The following DPH6 variants were observed in gnomAD, a reference collection of about 807,000 sequenced individuals.
DPH6 encodes diphthine--ammonia ligase.
DPH6 carries 33 observed loss-of-function variants against 38.2 expected under a neutral mutation model. The ratio of observed to expected loss-of-function variants is 0.86; its 90% CI spans 0.65 to 1.15. DPH6 has a LOEUF of 1.15. Ranked by LOEUF, DPH6 falls within the 50% of genes most tolerant of loss-of-function variation. The pLI is 0.00. For missense variants in DPH6, 325 were observed against 320.0 expected (o/e 1.02, Z -0.12); for synonymous variants, 108 against 103.0 (o/e 1.05, Z -0.30).
At chr15:35,509,255 A>G (rs756748307) in intron 3 of DPH6, among the ~76,000 whole-genome samples, 3 of 152,182 alleles carry the variant, frequency 2.0e-5, no homozygotes, top group Non-Finnish European at 4.4e-5. Context: ...TAATTCTTAC[A>G]AGGCAAGAGC....
chr15:35,240,897 G>C (rs1193809716), intron 3 of DPH6, among the ~76,000 whole-genome samples: 2 of 143,200 alleles, frequency 1.4e-5, no homozygotes, highest in Non-Finnish European at 3.1e-5. Context: ...TCGCCTTCAA[G>C]GTGTACAATA....
chr15:35,417,001 A>G (rs1423271040), intron 5 of DPH6, among the ~76,000 whole-genome samples: 2 of 152,122 alleles, frequency 1.3e-5, no homozygotes, highest in African/African-American at 4.8e-5. Flanking sequence ...ATATTCAGAT[A>G]TAGAAGTTTC....
chr15:35,216,014 G>A (rs1375643134), downstream of DPH6, among the ~76,000 whole-genome samples: 2 of 152,162 alleles, frequency 1.3e-5, no homozygotes, highest in Non-Finnish European at 2.9e-5. Context: ...GAAAGTTTCT[G>A]TACATTTAGT....
intron 3 of DPH6, chr15:35,238,142 C>T: frequency 3.8e-6 from 4 of 1,056,520 alleles, no homozygotes; most frequent in Non-Finnish European, 5.7e-6. Flanking sequence ...TCCAATCCTG[C>T]CCCCTGAAAC....
Position 35,371,555 on chromosome 15 carries a change from AG to A in DPH6, c.*594del. On this transcript the variant is annotated 3_prime_UTR_variant, in exon 9 of 9. Coordinates refer to ENST00000256538, the MANE Select transcript of DPH6 (RefSeq NM_080650.4). ...GTCTATTTTTTGTAAAAGTTTTCTA[AG>A]GTCAACATAGTTAATACTGAAAAAC... 2.1e-6 allele frequency: 2 copies of A among 973,398 alleles called. No individual in the cohort carries two copies. The highest frequency in any genetic ancestry group is 2.4e-6 in the Non-Finnish European group (2 of 819,050). The allele number at this position is 973,398 out of a possible 1,614,324, so 60.3% of individuals were successfully genotyped here. A position where few individuals can be genotyped will look rare whatever the true frequency, so the allele number is the denominator to read the frequency against.
At chr15:35,324,336 C>A (rs2140849707) in intron 3 of DPH6, among the ~76,000 whole-genome samples, 1 of 152,172 alleles carries the variant, frequency 6.6e-6, no homozygotes, top group East Asian at 1.9e-4. Context: ...ATAGAAATTG[C>A]TAACTGGAGA....
At chr15:35,256,805 A>G (rs1025185570) in intron 3 of DPH6, among the ~76,000 whole-genome samples, 2 of 152,196 alleles carry the variant, frequency 1.3e-5, no homozygotes, top group African/African-American at 4.8e-5. Context: ...AGAGATGTTT[A>G]CTAGTTTAGT....
At position 35,546,138 on chromosome 15, in the gene DPH6, T is replaced by A. The variant is rs747539785; in HGVS notation, c.4A>T (p.Arg2Trp). 7.1e-7 allele frequency: 1 copy of A among 1,401,182 alleles called. No individual in the cohort carries two copies. The highest frequency in any genetic ancestry group is 9.4e-7 in the Non-Finnish European group (1 of 1,063,324). The allele number at this position is 1,401,182 out of a possible 1,614,324, so 86.8% of individuals were successfully genotyped here. A position where few individuals can be genotyped will look rare whatever the true frequency, so the allele number is the denominator to read the frequency against. Residue 2 changes from arginine to tryptophan, a missense_variant, in exon 1 of 9, where the codon AGG (arginine) becomes TGG (tryptophan). By Grantham distance (101) the Arg-to-Trp change is moderately radical (BLOSUM62 -3). Coordinates refer to ENST00000256538, the MANE Select transcript of DPH6 (RefSeq NM_080650.4). MRVAALISGGKD... is the reference protein window; with the variant it reads MWVAALISGGKD... ...CATTACCTGATCAGAGCCGCGACCCTCATGCTGGGCGCAGTGCGCGTGCGT... is the reference window on the plus strand; with the variant it reads ...CATTACCTGATCAGAGCCGCGACCCACATGCTGGGCGCAGTGCGCGTGCGT...
intron 3 of DPH6, among the ~76,000 whole-genome samples, chr15:35,277,714 T>G (rs942007520): frequency 6.6e-6 from 1 of 152,154 alleles, no homozygotes; most frequent in East Asian, 1.9e-4. Context: ...TGGAAATAAA[T>G]AAGTTACTGG....
chr15:35,314,253 A>G (rs1170368599), intron 3 of DPH6, among the ~76,000 whole-genome samples: 2 of 152,188 alleles, frequency 1.3e-5, no homozygotes, highest in Non-Finnish European at 2.9e-5. Context: ...TGGTTTTAGC[A>G]TTGTTGAAAT....
the DPH6 span, among the ~76,000 whole-genome samples, chr15:35,146,771 C>T: frequency 6.6e-6 from 1 of 152,230 alleles, no homozygotes; most frequent in African/African-American, 2.4e-5. Context: ...TATGGAACCT[C>T]TAAAAGTCTT....
At chr15:35,437,325 C>T (rs1051171329) in intron 5 of DPH6, among the ~76,000 whole-genome samples, 2 of 152,132 alleles carry the variant, frequency 1.3e-5, no homozygotes, top group Admixed American at 6.6e-5. Context: ...CCTTTTTCCT[C>T]CTCTGTCCTT....
At chr15:35,156,810 A>G in the DPH6 span, among the ~76,000 whole-genome samples, 595 of 151,770 alleles carry the variant, frequency 3.9e-3, 5 homozygotes, top group Middle Eastern at 0.024. Context: ...GTTTATGGAA[A>G]CTAGGTGTCG....
Position 35,436,337 on chromosome 15 carries a change from G to A in DPH6, c.505+14348C>T, listed in dbSNP as rs181715411. 9.3e-4 allele frequency among the ~76,000 whole-genome samples: 141 copies of A among 151,494 alleles called. 1 individual carries two copies. The highest frequency in any genetic ancestry group is 3.2e-3 in the African/African-American group (132 of 41,094). On this transcript the variant is annotated intron_variant, in intron 5 of 8. Transcript: ENST00000256538. ...AAAAATTAGCTGGGCGTGGTGGTGG[G>A]CGCCTGTACTCCCAGCTACTCGGGA...
intron 3 of DPH6, among the ~76,000 whole-genome samples, chr15:35,316,010 TAG>T (rs1280626744): frequency 1.3e-5 from 2 of 151,550 alleles, no homozygotes; most frequent in Non-Finnish European, 2.9e-5. Flanking sequence ...AGATATAGAG[TAG>T]ATTGGTGGTT....
chr15:35,527,675 G>T (rs1357155803), intron 3 of DPH6, among the ~76,000 whole-genome samples: 1 of 152,106 alleles, frequency 6.6e-6, no homozygotes, highest in African/African-American at 2.4e-5. Context: ...AGTTATTTCT[G>T]ACTAAAACGC....
At chr15:35,262,719 A>G (rs1299501272) in intron 3 of DPH6, among the ~76,000 whole-genome samples, 1 of 141,752 alleles carries the variant, frequency 7.1e-6, no homozygotes, top group African/African-American at 2.5e-5. Flanking sequence ...AAAAAAAAAA[A>G]AAAAAAAAAA....
chr15:35,253,741 T>C (rs1348727734), intron 3 of DPH6, among the ~76,000 whole-genome samples: 2 of 152,226 alleles, frequency 1.3e-5, no homozygotes, highest in African/African-American at 4.8e-5. Flanking sequence ...AAGCCCTCTT[T>C]GCTTTGAAAC....
chr15:35,359,041 G>A (rs146697719), intron 3 of DPH6, among the ~76,000 whole-genome samples: 129 of 152,164 alleles, frequency 8.5e-4, no homozygotes, highest in African/African-American at 3.0e-3. Context: ...CAGACTCTCC[G>A]TGGGCGTGTC....
Sources: allele counts gnomAD v4.1 joint callset (sites outside exome capture counted in the v4.1 genomes callset), GRCh38; gene constraint gnomAD v4.1.1; transcripts MANE v1.5; gene names NCBI Gene and HGNC (gene_info 2026-07-23, HGNC 2026-07-21).